Variants in UNC80 observed in about 807,000 individuals in gnomAD.
UNC80 encodes protein unc-80 homolog.
In UNC80, 164 loss-of-function variants were observed where a neutral mutation model predicts 384.6. The observed-to-expected ratio is 0.43, with a 90% CI of 0.38 to 0.49. The LOEUF is 0.49. Among genes scored for constraint, UNC80 ranks in the 20% least tolerant of loss-of-function variants. The pLI is 0.00. For missense variants in UNC80, 3,330 were observed against 4,143.0 expected, an observed-to-expected ratio of 0.80 and a Z score of 5.39; for synonymous variants, 1,486 against 1,527.8, an observed-to-expected ratio of 0.97 and a Z score of 0.64.
At chr2:209,992,306 T>C (rs1171542989) in intron 62 of UNC80, 59 bp downstream of exon 62, 2 of 1,452,912 alleles carry the variant, frequency 1.4e-6, no homozygotes, top group Non-Finnish European at 1.9e-6. Flanking sequence ...TCTGTGTGAT[T>C]TTTAATGCCC....
chr2:209,918,495 T>A (rs775001807), intron 32 of UNC80, 37 bp from the exon 33 acceptor site: 1 of 1,545,094 alleles, frequency 6.5e-7, no homozygotes, highest in South Asian at 1.2e-5. Flanking sequence ...CTAGCTTATA[T>A]TCCCTCTCAC....
intron 47 of UNC80, among the ~76,000 whole-genome samples, chr2:209,952,333 T>C (rs2092222563): frequency 6.6e-6 from 1 of 152,206 alleles, no homozygotes; most frequent in African/African-American, 2.4e-5. Flanking sequence ...TGACTAGCAA[T>C]TGTGGTAGGG....
chr2:209,789,509 T>A (rs1316378051), intron 5 of UNC80, 23 bp from the exon 6 acceptor site: 1 of 1,572,270 alleles, frequency 6.4e-7, no homozygotes, highest in Admixed American at 1.7e-5. Flanking sequence ...TACAAAACGA[T>A]GGAACTTCTT....
intron 26 of UNC80, among the ~76,000 whole-genome samples, chr2:209,891,226 AT>A (rs2086293345): frequency 6.6e-6 from 1 of 152,184 alleles, no homozygotes; most frequent in Non-Finnish European, 1.5e-5. Flanking sequence ...CATTTTTAAA[AT>A]ACAGATAATC....
rs377623816 is a variant in UNC80, at chr2:209,957,719, G to C, written c.7533G>C (p.Ser2511=). 1 of 1,551,458 alleles carries C rather than the reference G, an allele frequency of 6.4e-7. No homozygotes were observed. The highest frequency in any genetic ancestry group is 8.7e-7 in the Non-Finnish European group (1 of 1,146,850). ...CCACCACAGCCAATCACACCATGTCGTCTGGGGTGAACACCAGGTAATTCA... is the reference window on the plus strand; with the variant it reads ...CCACCACAGCCAATCACACCATGTCCTCTGGGGTGAACACCAGGTAATTCA... ...KGTTTANHTM[S]SGVNTRYQEQ... is the part of the protein sequence containing the mutation. The change falls in exon 49 of 65, where the codon TCG becomes TCC. Residue 2511 remains serine, a synonymous_variant. Coordinates refer to ENST00000673920, the MANE Select transcript of UNC80 (RefSeq NM_001371986.1).
At position 209,939,661 on chromosome 2, in the gene UNC80, C is replaced by T. The variant is rs1348162198; in HGVS notation, c.6646+9C>T. ...CTTCAGTGATCCTCAAGGTATCAAA[C>T]AAAGAAACATTGCCTCTCTGGGGCT... On this transcript the variant is annotated intron_variant, in intron 43 of 64. Transcript: ENST00000673920. 6.5e-7 allele frequency: 1 copy of T among 1,531,278 alleles called. No homozygotes were observed. The highest frequency in any genetic ancestry group is 8.8e-7 in the Non-Finnish European group (1 of 1,135,996). 94.9% of individuals were successfully genotyped at this position (1,531,278 alleles called of 1,614,324 possible). A position where few individuals can be genotyped will look rare whatever the true frequency, so the allele number is the denominator to read the frequency against.
At chr2:209,835,919 C>T (rs919477230) in intron 18 of UNC80, among the ~76,000 whole-genome samples, 5 of 152,138 alleles carry the variant, frequency 3.3e-5, no homozygotes, top group African/African-American at 1.2e-4. Context: ...ACTTCAAAAT[C>T]TTAGAAATTT....
rs530553411 is a variant in UNC80 at position 209,819,045 on chromosome 2, G to A, written c.1746G>A (p.Ala582=). 1.0e-5 allele frequency: 16 copies of A among 1,551,680 alleles called. No individual in the cohort carries two copies. Among genetic ancestry groups the A allele is most frequent in the South Asian group, 5.9e-5 (5 of 84,066 alleles). The change falls in exon 12 of 65, where the codon GCG becomes GCA. Residue 582 remains alanine (A), a synonymous_variant. Transcript: ENST00000673920. Reference sequence around the variant, plus strand: ...TTGCGACCTTCAATACCACTTTGGCGTCATTCAACGTAGGCTATGCAGACT... The same window carrying A: ...TTGCGACCTTCAATACCACTTTGGCATCATTCAACGTAGGCTATGCAGACT... The part of the protein sequence containing the change: ...ITVATFNTTL[A]SFNVGYADFF...
intron 33 of UNC80, among the ~76,000 whole-genome samples, chr2:209,920,963 G>A (rs1350571607): frequency 6.6e-6 from 1 of 152,094 alleles, no homozygotes; most frequent in East Asian, 1.9e-4. Flanking sequence ...GAGTAGCTGG[G>A]ATTACAGGCT....
In UNC80 at chr2:209,995,729, A is replaced by G. The variant is rs1227194084; in HGVS notation, c.*134A>G. Reference sequence around the variant, plus strand: ...CTTCTAATGGGTGGCACAAATCTGAATAGGTTTTGCTGCCAATACACATGA... The same window carrying G: ...CTTCTAATGGGTGGCACAAATCTGAGTAGGTTTTGCTGCCAATACACATGA... On this transcript the variant is annotated 3_prime_UTR_variant, in exon 65 of 65. Transcript: ENST00000673920. 1.8e-6 allele frequency: 2 copies of G among 1,082,322 alleles called. No homozygotes were observed. The highest frequency in any genetic ancestry group is 2.6e-6 in the Non-Finnish European group (2 of 769,666). The allele number at this position is 1,082,322 out of a possible 1,614,324, so 67.0% of individuals were successfully genotyped here. A position where few individuals can be genotyped will look rare whatever the true frequency, so the allele number is the denominator to read the frequency against.
intron 47 of UNC80, 32 bp downstream of exon 47, chr2:209,945,975 A>T: frequency 3.6e-6 from 5 of 1,375,292 alleles, no homozygotes; most frequent in Non-Finnish European, 5.1e-6. Flanking sequence ...GTGCCTTGTG[A>T]TAAGTAAATA....
intron 7 of UNC80, among the ~76,000 whole-genome samples, chr2:209,812,212 G>C (rs2079409222): frequency 6.7e-6 from 1 of 149,346 alleles, no homozygotes; most frequent in Non-Finnish European, 1.5e-5. Context: ...ACCAAGAGCG[G>C]CTAATTTTTT....
chr2:209,932,006 T>G (rs1318646683), intron 38 of UNC80, among the ~76,000 whole-genome samples: 1 of 152,194 alleles, frequency 6.6e-6, no homozygotes, highest in Non-Finnish European at 1.5e-5. Flanking sequence ...AGACCTGTGT[T>G]CCACATCTCA....
Position 209,872,787 on chromosome 2 carries a change from G to A in UNC80, c.3657G>A (p.Leu1219=). The change falls in exon 23 of 65, where the codon TTG becomes TTA. Residue 1219 remains leucine, a synonymous_variant. Transcript: ENST00000673920. This position sits in a 1 kb window ranked among gnomAD's most constrained non-coding sequence, Gnocchi z 4.1. ...CCCCTGTGGTGGCCAGAGCAGCCTT[G>A]TTCCTGGAATGTGCTCGTTTTGTTC... The part of the protein sequence containing the change: ...LEAPVVARAA[L]FLECARFVHR... 6.4e-7 allele frequency: 1 copy of A among 1,551,494 alleles called. No homozygotes were observed. The highest frequency in any genetic ancestry group is 1.2e-5 in the South Asian group (1 of 84,054).
In UNC80 at chr2:209,839,434, A is replaced by T; in HGVS notation, c.3250+4A>T. 6.4e-7 allele frequency: 1 copy of T among 1,551,936 alleles called. No homozygotes were observed. The highest frequency in any genetic ancestry group is 8.7e-7 in the Non-Finnish European group (1 of 1,147,034). On this transcript the variant is annotated splice_donor_region_variant and intron_variant, in intron 19 of 64. Transcript: ENST00000673920. This position sits in a 1 kb window ranked among gnomAD's most constrained non-coding sequence, Gnocchi z 4.1. ...AAGAAGCTTAAACTCCCCATAGGTA[A>T]AAGTATGTCTGTATTTGTTTATGGA...
intron 21 of UNC80, among the ~76,000 whole-genome samples, chr2:209,848,177 C>T (rs750095328): frequency 2.6e-5 from 4 of 151,934 alleles, no homozygotes; most frequent in Non-Finnish European, 5.9e-5. Flanking sequence ...ACAAGGCTCT[C>T]CTGGAATTGT....
At chr2:209,834,609 A>G (rs1465105705) in intron 17 of UNC80, among the ~76,000 whole-genome samples, 1 of 152,176 alleles carries the variant, frequency 6.6e-6, no homozygotes, top group Non-Finnish European at 1.5e-5. Context: ...GTAAACATAT[A>G]TTTATTTTAT....
chr2:209,839,941 G>A lies in UNC80; in HGVS notation c.3250+511G>A, dbSNP rs2081616129. 6.6e-6 allele frequency among the ~76,000 whole-genome samples: 1 copy of A among 152,138 alleles called. No individual in the cohort carries two copies. Among genetic ancestry groups the A allele is most frequent in the Admixed American group, 6.5e-5 (1 of 15,282 alleles). On this transcript the variant is annotated intron_variant, in intron 19 of 64. Coordinates refer to ENST00000673920, the MANE Select transcript of UNC80 (RefSeq NM_001371986.1). This position sits in a 1 kb window ranked among gnomAD's most constrained non-coding sequence, Gnocchi z 4.1. Reference sequence around the variant, plus strand: ...GTAGCCATTATTTGCAAAGATATTAGGAGGCTGAAGGGAAGTGAAGGAACT... The same window carrying A: ...GTAGCCATTATTTGCAAAGATATTAAGAGGCTGAAGGGAAGTGAAGGAACT...
intron 5 of UNC80, among the ~76,000 whole-genome samples, chr2:209,787,571 A>G (rs1369890236): frequency 1.1e-4 from 16 of 152,318 alleles, no homozygotes; most frequent in Non-Finnish European, 4.4e-5. Context: ...CAGTAGTCCC[A>G]TAAGATCATA....
Sources: gnomAD v4.1 joint callset for allele counts (sites outside exome capture counted in the v4.1 genomes callset) on GRCh38, gnomAD v4.1.1 for gene constraint, Gnocchi (gnomAD v3.1) non-coding constraint, MANE v1.5 for transcripts, NCBI Gene and HGNC (gene_info 2026-07-23, HGNC 2026-07-21) for gene names.